The following PDHA1 variants were observed in gnomAD, a reference collection of about 807,000 sequenced individuals.
The protein encoded by PDHA1 is pyruvate dehydrogenase E1 component subunit alpha, somatic form, mitochondrial.
PDHA1 carries 1 observed loss-of-function variant against 33.0 expected under a neutral mutation model. That is an observed-to-expected ratio of 0.03 (90% CI 0.01 to 0.14). PDHA1 has a LOEUF of 0.14. Ranked by LOEUF, PDHA1 falls within the 10% of genes least tolerant of loss-of-function variation. The probability of loss-of-function intolerance (pLI) is 1.00; values close to 1 mark genes in which losing one functional copy is unlikely to be tolerated. For synonymous variants in PDHA1, 123 were observed against 119.2 expected, an observed-to-expected ratio of 1.03 and a Z score of -0.21; for missense variants, 168 against 325.1, an observed-to-expected ratio of 0.52 and a Z score of 3.72.
chrX:19,348,488 TA>T (rs2063146558), intron 1 of PDHA1, among the ~76,000 whole-genome samples: 1 of 113,001 alleles, frequency 8.8e-6, no homozygotes, highest in South Asian at 3.6e-4. Context: ...CTTGTCTCCC[TA>T]AAGTATTTAT....
At chrX:19,359,063 T>C (rs374788144) in intron 10 of PDHA1, 39 bp downstream of exon 10, 22 of 896,271 alleles carry the variant, frequency 2.5e-5, no homozygotes, top group Non-Finnish European at 3.6e-5. Context: ...AGGTTGGCTT[T>C]AAAAGTTGCC....
At chrX:19,352,624 C>G (rs1293738880) in intron 4 of PDHA1, among the ~76,000 whole-genome samples, 1 of 112,578 alleles carries the variant, frequency 8.9e-6, no homozygotes, top group Non-Finnish European at 1.9e-5. Flanking sequence ...CTCAAATACT[C>G]AAGTCCCAAA....
intron 8 of PDHA1, 82 bp downstream of exon 8, chrX:19,355,839 T>A: frequency 1.4e-6 from 1 of 710,393 alleles, no homozygotes; most frequent in Non-Finnish European, 2.2e-6. Context: ...GCTGAAGCTG[T>A]TAGTGGGTAC....
chrX:19,359,390 T>C, intron 10 of PDHA1, 99 bp from the exon 11 acceptor site: 1 of 673,098 alleles, frequency 1.5e-6, no homozygotes, highest in Non-Finnish European at 2.5e-6. Context: ...GTACTTGTAG[T>C]TAAAGAGTTA....
chrX:19,358,455 C>G (rs769284569), intron 9 of PDHA1, among the ~76,000 whole-genome samples: 1 of 111,579 alleles, frequency 9.0e-6, no homozygotes, highest in East Asian at 2.8e-4. Context: ...AAAGGCAAGG[C>G]ACATGGATTT....
chrX:19,355,543 GCC>G lies in PDHA1; in HGVS notation c.759+40_759+41del, dbSNP rs748024050. On this transcript the variant is annotated intron_variant, in intron 7 of 10. Transcript: ENST00000422285. Reference sequence around the variant, plus strand: ...TGGTGGGGCCGGGGCCAAGGCCAAGGCCAAGGGTATGTCCTTGTGCAGACCCT... The same window carrying G: ...TGGTGGGGCCGGGGCCAAGGCCAAGGAAGGGTATGTCCTTGTGCAGACCCT... 5.0e-6 allele frequency: 6 copies of G among 1,198,899 alleles called. No individual in the cohort carries two copies. The Admixed American group carries it at 1.3e-4, about 26-fold the overall frequency.
At chrX:19,346,549 T>A (rs1267886518) in intron 1 of PDHA1, 1 of 671,456 alleles carries the variant, frequency 1.5e-6, no homozygotes, top group South Asian at 3.3e-5. Flanking sequence ...GGTCTCCATC[T>A]CCAGGCTCAA....
At chrX:19,359,136 CATAA>C (rs2063236036) in intron 10 of PDHA1, 112 bp downstream of exon 10, 3 of 525,989 alleles carry the variant, frequency 5.7e-6, no homozygotes, top group African/African-American at 4.6e-5. Context: ...TGTCCTGGGA[CATAA>C]ATAGTTCCAT....
In PDHA1 at chrX:19,360,008, C is replaced by T. The variant is rs1335203114; in HGVS notation, c.*355C>T. 3 of 273,497 alleles carry T rather than the reference C, an allele frequency of 1.1e-5. No homozygotes were observed. The highest frequency in any genetic ancestry group is 2.0e-5 in the Non-Finnish European group (3 of 151,766). The allele number at this position is 273,497 out of a possible 1,213,427, so 22.5% of individuals were successfully genotyped here. A position where few individuals can be genotyped will look rare whatever the true frequency, so the allele number is the denominator to read the frequency against. On this transcript the variant is annotated 3_prime_UTR_variant, in exon 11 of 11. Transcript: ENST00000422285. ...TCACAGCATTCTACCAACCATAGCA[C>T]CCACCCCGAGCAGCGCTGGTGCTGC...
chrX:19,358,880 T>G (rs1285056942), intron 9 of PDHA1, 36 bp from the exon 10 acceptor site: 2 of 810,005 alleles, frequency 2.5e-6, no homozygotes, highest in South Asian at 2.0e-5. Flanking sequence ...CTGGAACTGC[T>G]CTTACTGATC....
chrX:19,354,040 G>A (rs1460267977), intron 5 of PDHA1, among the ~76,000 whole-genome samples: 1 of 111,229 alleles, frequency 9.0e-6, no homozygotes, highest in African/African-American at 3.3e-5. Context: ...TCCACCCCCG[G>A]GTTCAAGCAA....
At chrX:19,358,858 G>A (rs12006562) in intron 9 of PDHA1, 58 bp from the exon 10 acceptor site, 32 of 656,724 alleles carry the variant, frequency 4.9e-5, no homozygotes, top group African/African-American at 3.6e-4. Context: ...TCATCACGCC[G>A]TCCTTGCTCT....
At position 19,360,320 on chromosome X, in the gene PDHA1, C is replaced by A. The variant is rs2063267334; in HGVS notation, c.*667C>A. 1 of 145,749 alleles carries A rather than the reference C, an allele frequency of 6.9e-6. No homozygotes were observed. The highest frequency in any genetic ancestry group is 8.0e-5 in the Admixed American group (1 of 12,528). 12.0% of individuals were successfully genotyped at this position (145,749 alleles called of 1,213,427 possible). The stretch of plus-strand genomic sequence containing the variant: ...TCCCAGCTTCCATGTTTGTTAAATA[C>A]CCCTTGTTTGTTTCACCATTCCAGC... On this transcript the variant is annotated 3_prime_UTR_variant, in exon 11 of 11. Transcript: ENST00000422285.
At position 19,355,933 on chromosome X, in the gene PDHA1, T is replaced by C. The variant is rs1244800493; in HGVS notation, c.831+176T>C. On this transcript the variant is annotated intron_variant, in intron 8 of 10. Coordinates refer to ENST00000422285, the MANE Select transcript of PDHA1 (RefSeq NM_000284.4). ...AGCTTGGTCTTGGTAGCTCACCTGC[T>C]GGGAAGCCTACGTTTCTCTCATTTG... 5.3e-5 allele frequency among the ~76,000 whole-genome samples: 6 copies of C among 112,239 alleles called. No homozygotes were observed. In the Admixed American group the frequency reaches 5.6e-4, roughly 11 times the overall value.
At position 19,359,031 on chromosome X, in the gene PDHA1, T is replaced by G. The variant is rs768994523; in HGVS notation, c.1008+7T>G. 28 of 1,088,218 alleles carry G rather than the reference T, an allele frequency of 2.6e-5. No individual in the cohort carries two copies. The African/African-American group carries it at 4.2e-4, about 16-fold the overall frequency. 89.7% of individuals were successfully genotyped at this position (1,088,218 alleles called of 1,213,427 possible). The stretch of plus-strand genomic sequence containing the variant: ...CAGTGTGGAAGAACTAAAGGTACAG[T>G]CACTTGTTCATGGTGGTTTGAAGGT... On this transcript the variant is annotated splice_region_variant and intron_variant, in intron 10 of 10. Coordinates refer to ENST00000422285, the MANE Select transcript of PDHA1 (RefSeq NM_000284.4).
chrX:19,357,687 C>T lies in PDHA1; in HGVS notation c.867C>T (p.Tyr289=), dbSNP rs1418512491. ...TGATGGAGCTGCAGACTTACCGTTA[C>T]CACGGACACAGTATGAGTGACCCTG... ...PILMELQTYR[Y]HGHSMSDPGV... is the part of the protein sequence containing the mutation. Residue 289 remains tyrosine (Y), a synonymous_variant, in exon 9 of 11, where the codon TAC becomes TAT. Coordinates refer to ENST00000422285, the MANE Select transcript of PDHA1 (RefSeq NM_000284.4). 2 of 1,209,888 alleles carry T rather than the reference C, an allele frequency of 1.7e-6. No homozygotes were observed. The highest frequency in any genetic ancestry group is 3.0e-5 in the East Asian group (1 of 33,847).
In PDHA1 at chrX:19,357,638, C is replaced by G; in HGVS notation, c.832-14C>G. The G allele has an allele frequency of 8.3e-7, 1 of 1,199,027 alleles. No individual in the cohort carries two copies. On this transcript the variant is annotated splice_polypyrimidine_tract_variant and intron_variant, in intron 8 of 10. Transcript: ENST00000422285. ...CGTTCCTAACTAACTAACTGCCTACCGGTTCTGTTTTAGGGGCCCATCCTG... is the reference window on the plus strand; with the variant it reads ...CGTTCCTAACTAACTAACTGCCTACGGGTTCTGTTTTAGGGGCCCATCCTG...
intron 4 of PDHA1, 102 bp from the exon 5 acceptor site, chrX:19,352,980 G>C: frequency 1.5e-6 from 1 of 660,578 alleles, no homozygotes; most frequent in Admixed American, 2.2e-5. Flanking sequence ...ACTGGCCTCT[G>C]TGTTCTAATG....
intron 8 of PDHA1, chrX:19,357,262 T>G: frequency 4.6e-6 from 1 of 219,708 alleles, no homozygotes; most frequent in Non-Finnish European, 8.5e-6. Flanking sequence ...GCCTGGCTAA[T>G]TTTTGTATTT....
Sources: allele counts gnomAD v4.1 joint callset (sites outside exome capture counted in the v4.1 genomes callset), GRCh38; gene constraint gnomAD v4.1.1; transcripts MANE v1.5; gene names NCBI Gene and HGNC (gene_info 2026-07-23, HGNC 2026-07-21).